The following NFXL1 variants were observed in gnomAD, a reference collection of about 807,000 sequenced individuals.
NFXL1 encodes NF-X1-type zinc finger protein NFXL1.
In NFXL1, 66 loss-of-function variants were observed where a neutral mutation model predicts 123.3. The observed-to-expected ratio is 0.54, with a 90% CI of 0.44 to 0.66. The LOEUF is 0.66. NFXL1 is among the 30% of genes least tolerant of loss of function. NFXL1 has a pLI of 0.00. For synonymous variants in NFXL1, 346 were observed against 360.8 expected (o/e 0.96, Z 0.46); for missense variants, 944 against 1,125.6 (o/e 0.84, Z 2.31).
At position 47,852,137 on chromosome 4, in the gene NFXL1, A is replaced by G. The variant is rs150183469; in HGVS notation, c.2422-195T>C. 386 of 460,360 alleles carry G rather than the reference A, an allele frequency of 8.4e-4. 2 individuals are homozygous for G. In the East Asian group the frequency reaches 0.012, roughly 14 times the overall value. 28.5% of individuals were successfully genotyped at this position (460,360 alleles called of 1,614,324 possible). A position where few individuals can be genotyped will look rare whatever the true frequency, so the allele number is the denominator to read the frequency against. ...ACTTGCTTATTTTCTCTTAACTTAA[A>G]AAAGAGAATACCATAAAATTTTTAA... On this transcript the variant is annotated intron_variant, in intron 20 of 22. Coordinates refer to ENST00000507489, the MANE Select transcript of NFXL1 (RefSeq NM_001278624.2).
At chr4:47,899,696 C>A (rs1269599944) in intron 5 of NFXL1, 148 bp from the exon 6 acceptor site, 3 of 603,778 alleles carry the variant, frequency 5.0e-6, no homozygotes, top group African/African-American at 3.7e-5. Flanking sequence ...AAAACAAGAT[C>A]TTATTAAAAT....
At chr4:47,883,207 T>C (rs1185974087) in intron 15 of NFXL1, among the ~76,000 whole-genome samples, 1 of 151,436 alleles carries the variant, frequency 6.6e-6, no homozygotes, top group Admixed American at 6.6e-5. Context: ...ATTGAACCAC[T>C]GCACTCTAGC....
rs772683733 is a variant in NFXL1, at chr4:47,851,839, A to AT, written c.2508+16dup. On this transcript the variant is annotated intron_variant, in intron 21 of 22. Transcript: ENST00000507489. ...AAAGGCCACTAGTCTTTAAAATGAT[A>AT]TTTAACGAGACATTACCTCAGATGC... is the stretch of plus-strand genomic sequence containing the variant. 24 of 1,516,098 alleles carry AT rather than the reference A, an allele frequency of 1.6e-5. No individual in the cohort carries two copies. In the African/African-American group the frequency reaches 2.3e-4, roughly 15 times the overall value. The allele number at this position is 1,516,098 out of a possible 1,614,324, so 93.9% of individuals were successfully genotyped here.
At chr4:47,872,461 CAAAA>C (rs34343515) in intron 18 of NFXL1, among the ~76,000 whole-genome samples, 1 of 110,926 alleles carries the variant, frequency 9.0e-6, no homozygotes. Flanking sequence ...GACTCTGTCT[CAAAA>C]AAAAAAAAAA....
rs1736369885 is a variant in NFXL1, at chr4:47,885,431, C to CT, written c.1824+66dup. On this transcript the variant is annotated intron_variant, in intron 14 of 22. Transcript: ENST00000507489. ...TGCTTAATCATTGCTCATTGAAAAA[C>CT]TAAGTAAAAGCAAGAAAGTACAACC... is the stretch of plus-strand genomic sequence containing the variant. 2.3e-6 allele frequency: 3 copies of CT among 1,323,566 alleles called. No individual in the cohort carries two copies. The South Asian group carries it at 4.1e-5, about 18-fold the overall frequency. The allele number at this position is 1,323,566 out of a possible 1,614,324, so 82.0% of individuals were successfully genotyped here.
intron 5 of NFXL1, among the ~76,000 whole-genome samples, chr4:47,902,309 G>A (rs990178544): frequency 3.3e-5 from 5 of 152,134 alleles, no homozygotes; most frequent in Non-Finnish European, 7.4e-5. Flanking sequence ...CTACCTCTCT[G>A]GGCAGCCAAT....
rs77248951 is a variant in NFXL1 at position 47,853,968 on chromosome 4, G to A, written c.2421+1091C>T. Among the ~76,000 whole-genome samples, 5 of 152,160 alleles carry A rather than the reference G, an allele frequency of 3.3e-5. No homozygotes were observed. In the East Asian group the frequency reaches 5.8e-4, roughly 18 times the overall value. ...AAAAGAGTTGTTCCAAAGTACTAAC[G>A]GGTGGGTGGCATATGGCACTTGGAC... On this transcript the variant is annotated intron_variant, in intron 20 of 22. Transcript: ENST00000507489.
chr4:47,897,533 T>C (rs572267060), intron 9 of NFXL1, among the ~76,000 whole-genome samples: 16 of 152,268 alleles, frequency 1.1e-4, no homozygotes, highest in African/African-American at 3.1e-4. Flanking sequence ...GCCTCCCCTA[T>C]TGTCAAACCC....
chr4:47,887,356 T>A (rs1736499166), intron 12 of NFXL1, among the ~76,000 whole-genome samples: 1 of 152,182 alleles, frequency 6.6e-6, no homozygotes, highest in Non-Finnish European at 1.5e-5. Context: ...ATATCCTGGC[T>A]TAAGTGCCTC....
At chr4:47,907,937 C>G (rs900662526) in intron 3 of NFXL1, among the ~76,000 whole-genome samples, 5 of 152,174 alleles carry the variant, frequency 3.3e-5, no homozygotes, top group African/African-American at 1.2e-4. Context: ...TCAATTCTTA[C>G]CTTGCCAACC....
chr4:47,860,858 G>GTTT (rs796712404), intron 19 of NFXL1, among the ~76,000 whole-genome samples: 1 of 146,140 alleles, frequency 6.8e-6, no homozygotes, highest in Non-Finnish European at 1.5e-5. Context: ...AGCAATCTGT[G>GTTT]TTTTTTTTTT....
intron 18 of NFXL1, among the ~76,000 whole-genome samples, chr4:47,864,085 A>G (rs1389062278): frequency 1.3e-5 from 2 of 152,176 alleles, no homozygotes; most frequent in Non-Finnish European, 2.9e-5. Context: ...CCTTAATACC[A>G]CAAAGTTTTT....
At chr4:47,875,392 T>C in intron 17 of NFXL1, 99 bp from the exon 18 acceptor site, 3 of 806,158 alleles carry the variant, frequency 3.7e-6, no homozygotes, top group East Asian at 2.8e-5. Flanking sequence ...TAAAATAAAG[T>C]ACTTCTGCAG....
chr4:47,904,043 C>A (rs2110104221), intron 4 of NFXL1, among the ~76,000 whole-genome samples: 1 of 152,274 alleles, frequency 6.6e-6, no homozygotes, highest in South Asian at 2.1e-4. Flanking sequence ...CTAACAACAG[C>A]ATTAAACAGC....
intron 4 of NFXL1, among the ~76,000 whole-genome samples, chr4:47,904,505 G>A (rs1303731383): frequency 6.6e-6 from 1 of 152,154 alleles, no homozygotes; most frequent in African/African-American, 2.4e-5. Context: ...TGTGACTCTA[G>A]GCACAAAAGG....
In NFXL1 at chr4:47,885,532, C is replaced by T; in HGVS notation, c.1790G>A (p.Cys597Tyr). Residue 597 changes from cysteine to tyrosine, a missense_variant, in exon 14 of 23, where the codon TGT (cysteine) becomes TAT (tyrosine). Transcript: ENST00000507489. Reference sequence around the variant, plus strand: ...CTGCTTTATTAATGCTTGATCATGACACGGAGCAGGACACAAGTGACCACA... The same window carrying T: ...CTGCTTTATTAATGCTTGATCATGATACGGAGCAGGACACAAGTGACCACA... Reference protein sequence around the residue: ...EKCGHLCPAPCHDQALIKQTG... With the variant: ...EKCGHLCPAPYHDQALIKQTG... The T allele has an allele frequency of 6.2e-7, 1 of 1,613,684 alleles. No homozygotes were observed. Among genetic ancestry groups the T allele is most frequent in the Non-Finnish European group, 8.5e-7 (1 of 1,179,600 alleles).
At chr4:47,881,784 T>C (rs1206437170) in intron 15 of NFXL1, among the ~76,000 whole-genome samples, 1 of 152,068 alleles carries the variant, frequency 6.6e-6, no homozygotes, top group Non-Finnish European at 1.5e-5. Flanking sequence ...AGTCTGAAAA[T>C]GCTATACACT....
intron 17 of NFXL1, among the ~76,000 whole-genome samples, 163 bp downstream of exon 17, chr4:47,878,362 G>C (rs1341902196): frequency 6.6e-6 from 1 of 152,040 alleles, no homozygotes; most frequent in Non-Finnish European, 1.5e-5. Flanking sequence ...ACACCAAGCT[G>C]TCTAAGGCCA....
At chr4:47,868,366 G>T (rs1735228592) in intron 18 of NFXL1, among the ~76,000 whole-genome samples, 1 of 150,418 alleles carries the variant, frequency 6.6e-6, no homozygotes, top group African/African-American at 2.4e-5. Context: ...TCGGAATGGG[G>T]GTAGAATAAT....
Sources: gnomAD v4.1 joint callset for allele counts (sites outside exome capture counted in the v4.1 genomes callset) on GRCh38, gnomAD v4.1.1 for gene constraint, MANE v1.5 for transcripts, NCBI Gene and HGNC (gene_info 2026-07-23, HGNC 2026-07-21) for gene names.